CUL2: variants seen among roughly 807,000 people sequenced by gnomAD.
CUL2 encodes cullin-2.
In CUL2, 22 loss-of-function variants were observed where a neutral mutation model predicts 110.2. The observed-to-expected ratio is 0.20, with a 90% confidence interval of 0.14 to 0.28. The LOEUF is 0.28. Ranked by LOEUF, CUL2 falls within the 10% of genes least tolerant of loss-of-function variation. CUL2 has a pLI of 1.00. For missense variants in CUL2, 631 were observed against 905.5 expected (o/e 0.70, Z 3.89); for synonymous variants, 279 against 293.2 (o/e 0.95, Z 0.49).
At chr10:35,067,889 C>T (rs186871551) in intron 2 of CUL2, among the ~76,000 whole-genome samples, 5 of 152,098 alleles carry the variant, frequency 3.3e-5, no homozygotes, top group South Asian at 4.1e-4. Flanking sequence ...AGGCGGATCA[C>T]GAGGTCAGGA....
chr10:35,019,806 C>T (rs1375797913), intron 17 of CUL2, among the ~76,000 whole-genome samples: 1 of 152,090 alleles, frequency 6.6e-6, no homozygotes, highest in Non-Finnish European at 1.5e-5. Context: ...CATTTTGCAA[C>T]CAGTAATGAA....
In CUL2 at chr10:35,071,357, A is replaced by G. The variant is rs774822085; in HGVS notation, c.-22-18T>C. The G allele has an allele frequency of 8.8e-6, 14 of 1,592,132 alleles. 1 individual carries two copies. The South Asian group carries it at 1.2e-4, about 14-fold the overall frequency. ...GTTGAAATCTGTCAATTAAAAAACA[A>G]TAACAATGTTAGCAATAATTCCATG... On this transcript the variant is annotated intron_variant, in intron 1 of 20. Transcript: ENST00000374749.
At chr10:35,100,400 T>C (rs1231337205) in intron 2 of CUL2, among the ~76,000 whole-genome samples, 1 of 152,188 alleles carries the variant, frequency 6.6e-6, no homozygotes, top group Admixed American at 6.6e-5. Context: ...TTAGAAAAGA[T>C]TGGAGGCATG....
chr10:35,043,502 C>T (rs1401255374), intron 8 of CUL2, among the ~76,000 whole-genome samples: 5 of 152,154 alleles, frequency 3.3e-5, no homozygotes, highest in African/African-American at 4.8e-5. Context: ...TCGGTAAGCA[C>T]GGATGCTTTG....
chr10:35,030,819 G>A (rs2085463028), intron 14 of CUL2, among the ~76,000 whole-genome samples: 1 of 120,706 alleles, frequency 8.3e-6, no homozygotes, highest in South Asian at 2.9e-4. Flanking sequence ...CTTGAGCCCA[G>A]GAGTTAGAGT....
chr10:35,043,149 G>A (rs1246331175), intron 8 of CUL2, among the ~76,000 whole-genome samples: 37 of 152,110 alleles, frequency 2.4e-4, no homozygotes, highest in Non-Finnish European at 5.9e-5. Context: ...ATGCACATAT[G>A]TATCACATTT....
Position 35,029,604 on chromosome 10 carries a change from G to T in CUL2, c.1423C>A (p.Arg475=), listed in dbSNP as rs1387523007. Residue 475 remains arginine, a synonymous_variant, in exon 15 of 21, where the codon CGG becomes AGG. Transcript: ENST00000374749. The stretch of plus-strand genomic sequence containing the variant: ...CTGACACTCATATCTGTATACATCC[G>T]ATGTAGCTTGCTGGTAAACTCATAA... The part of the protein sequence containing the change: ...CGYEFTSKLH[R]MYTDMSVSAD... 2.5e-6 allele frequency: 4 copies of T among 1,589,818 alleles called. No homozygotes were observed. Among genetic ancestry groups the T allele is most frequent in the Non-Finnish European group, 3.4e-6 (4 of 1,172,744 alleles).
At chr10:35,043,464 T>C (rs1211409149) in intron 8 of CUL2, among the ~76,000 whole-genome samples, 4 of 152,350 alleles carry the variant, frequency 2.6e-5, no homozygotes, top group Non-Finnish European at 4.4e-5. Flanking sequence ...CCTCTAGATC[T>C]GGGCTTTGTG....
chr10:35,102,301 G>A (rs1193211395), intron 1 of CUL2, among the ~76,000 whole-genome samples: 1 of 151,984 alleles, frequency 6.6e-6, no homozygotes, highest in African/African-American at 2.4e-5. Flanking sequence ...GCTGGGTGCT[G>A]TGACTCACAC....
At chr10:35,110,105 G>T (rs111292287) in intron 1 of CUL2, among the ~76,000 whole-genome samples, 4,530 of 152,204 alleles carry the variant, frequency 0.03, 225 homozygotes, top group African/African-American at 0.1. Flanking sequence ...AGCCTGGGAG[G>T]TCAAGGCTGC....
intron 2 of CUL2, among the ~76,000 whole-genome samples, chr10:35,070,640 A>G (rs2086653085): frequency 6.6e-6 from 1 of 152,166 alleles, no homozygotes; most frequent in Non-Finnish European, 1.5e-5. Flanking sequence ...ATCTAATGAA[A>G]AACACACTTC....
At chr10:35,033,605 C>T (rs1450656095) in intron 10 of CUL2, among the ~76,000 whole-genome samples, 1 of 151,888 alleles carries the variant, frequency 6.6e-6, no homozygotes, top group Non-Finnish European at 1.5e-5. Context: ...GACGTGGTGG[C>T]GTCCACCTGT....
rs911835956 is a variant in CUL2 at position 35,041,384 on chromosome 10, T to TG, written c.715-2303dup. Among the ~76,000 whole-genome samples, 5 of 152,002 alleles carry TG rather than the reference T, an allele frequency of 3.3e-5. No homozygotes were observed. In the South Asian group the frequency reaches 8.3e-4, roughly 25 times the overall value. On this transcript the variant is annotated intron_variant, in intron 8 of 20. Transcript: ENST00000374749. ...GGGCTTCAAACAGCTGTAAAACCCC[T>TG]GGGGGAAAGAAAGGCCAAAGCTATA...
chr10:35,117,602 G>T (rs1251111273), intron 1 of CUL2, among the ~76,000 whole-genome samples: 1 of 151,694 alleles, frequency 6.6e-6, no homozygotes, highest in Non-Finnish European at 1.5e-5. Context: ...TATGTTTACA[G>T]CATTTGTAAA....
chr10:35,021,821 T>TGAGGTGAGGCGAGGC (rs1373312219), intron 17 of CUL2, among the ~76,000 whole-genome samples: 2,182 of 108,096 alleles, frequency 0.02, 118 homozygotes, highest in African/African-American at 0.075. Flanking sequence ...CGAGGTGGGG[T>TGAGGTGAGGCGAGGC]GAGGTGAGGC....
chr10:35,116,975 AG>A (rs1289840228), intron 1 of CUL2, among the ~76,000 whole-genome samples: 1 of 151,070 alleles, frequency 6.6e-6, no homozygotes, highest in Non-Finnish European at 1.5e-5. Flanking sequence ...AAAAAAAGTT[AG>A]CCAGGGCTGA....
chr10:35,079,788 A>G (rs1227602660), intron 1 of CUL2: 1 of 154,762 alleles, frequency 6.5e-6, no homozygotes, highest in African/African-American at 2.4e-5. Flanking sequence ...TCTCTGGTGT[A>G]TCCATATTGC....
chr10:35,097,617 G>C (rs2087317677), intron 2 of CUL2, among the ~76,000 whole-genome samples: 1 of 151,798 alleles, frequency 6.6e-6, no homozygotes, highest in Non-Finnish European at 1.5e-5. Flanking sequence ...CTTTACCTCT[G>C]TGATCATCCT....
At chr10:35,122,890 CCTCAG>C (rs1304726918) in intron 1 of CUL2, among the ~76,000 whole-genome samples, 1 of 152,228 alleles carries the variant, frequency 6.6e-6, no homozygotes, top group Admixed American at 6.5e-5. Context: ...GATCTGCTCA[CCTCAG>C]CCTCCCAATG....
Sources: gnomAD v4.1 joint callset for allele counts (sites outside exome capture counted in the v4.1 genomes callset) on GRCh38, gnomAD v4.1.1 for gene constraint, MANE v1.5 for transcripts, NCBI Gene and HGNC (gene_info 2026-07-23, HGNC 2026-07-21) for gene names.